The following FER1L6 variants were observed in gnomAD, a reference collection of about 807,000 sequenced individuals.
The protein encoded by FER1L6 is fer-1-like protein 6.
FER1L6 carries 177 observed loss-of-function variants against 219.2 expected under a neutral mutation model. That is an observed-to-expected ratio of 0.81 (90% CI 0.71 to 0.91). FER1L6 has a LOEUF of 0.91. FER1L6 is among the 40% of genes least tolerant of loss of function. FER1L6 has a pLI of 0.00. For synonymous variants in FER1L6, 768 were observed against 824.3 expected, an observed-to-expected ratio of 0.93 and a Z score of 1.17; for missense variants, 2,153 against 2,259.9, an observed-to-expected ratio of 0.95 and a Z score of 0.96.
intron 15 of FER1L6, 195 bp downstream of exon 15, chr8:124,013,726 C>G: frequency 2.7e-6 from 1 of 376,138 alleles, no homozygotes; most frequent in African/African-American, 2.1e-5. Context: ...ACAACTCAAA[C>G]ATAAATCAAA....
chr8:123,926,371 G>A (rs1563689035), intron 1 of FER1L6, among the ~76,000 whole-genome samples: 1 of 152,230 alleles, frequency 6.6e-6, no homozygotes, highest in Non-Finnish European at 1.5e-5. Flanking sequence ...CTGGAAGTAG[G>A]TGGCCCATGC....
chr8:124,043,744 C>T (rs1346261626), intron 20 of FER1L6, among the ~76,000 whole-genome samples: 1 of 152,220 alleles, frequency 6.6e-6, no homozygotes. Context: ...AGTCTGTTGT[C>T]TTCTCATTTT....
chr8:123,970,008 G>A (rs770593483), intron 5 of FER1L6, 27 bp from the exon 6 acceptor site: 1 of 1,607,174 alleles, frequency 6.2e-7, no homozygotes, highest in Admixed American at 1.7e-5. Context: ...TGGGGTTGAT[G>A]ACCAGAATGA....
At chr8:123,885,417 GCATTTGA>G (rs895826519) in intron 1 of FER1L6, among the ~76,000 whole-genome samples, 3 of 152,140 alleles carry the variant, frequency 2.0e-5, no homozygotes, top group Non-Finnish European at 4.4e-5. Context: ...CTTCAGAAAT[GCATTTGA>G]CCACTGTGCA....
At chr8:123,881,753 G>A (rs372013229) in intron 1 of FER1L6, among the ~76,000 whole-genome samples, 2 of 152,154 alleles carry the variant, frequency 1.3e-5, no homozygotes, top group East Asian at 1.9e-4. Flanking sequence ...GGGGAGAAGA[G>A]ACAATTTCTT....
intron 1 of FER1L6, among the ~76,000 whole-genome samples, chr8:123,857,679 TCCTGGTGG>T (rs1255394906): frequency 6.6e-6 from 1 of 152,128 alleles, no homozygotes; most frequent in Admixed American, 6.5e-5. Context: ...GATGGGCTCG[TCCTGGTGG>T]CCGGCCTCTG....
At chr8:124,068,415 AAG>A (rs1488957048) in intron 28 of FER1L6, among the ~76,000 whole-genome samples, 1 of 152,188 alleles carries the variant, frequency 6.6e-6, no homozygotes, top group East Asian at 1.9e-4. Context: ...CAAATGATGA[AAG>A]AGAGGTACAA....
At position 123,947,842 on chromosome 8, in the gene FER1L6, A is replaced by C. The variant is rs28527318; in HGVS notation, c.-7-8150A>C. On this transcript the variant is annotated intron_variant, in intron 1 of 40. Coordinates refer to ENST00000522917, the MANE Select transcript of FER1L6 (RefSeq NM_001039112.2). ...CAAAACTGGAGAACACATCACATCA[A>C]AGGAGGCAGTTGAGTTGGGCCTAGG... 7.6e-3 allele frequency among the ~76,000 whole-genome samples: 1,161 copies of C among 152,262 alleles called. 4 individuals carry two copies. The highest frequency in any genetic ancestry group is 0.02 in the Middle Eastern group (6 of 294).
At chr8:123,915,567 A>G (rs1426078233) in intron 1 of FER1L6, among the ~76,000 whole-genome samples, 1 of 152,138 alleles carries the variant, frequency 6.6e-6, no homozygotes, top group African/African-American at 2.4e-5. Context: ...CATGTTATGA[A>G]TATGGTATTT....
chr8:124,107,733 T>C (rs975852081), intron 39 of FER1L6, among the ~76,000 whole-genome samples: 24 of 152,194 alleles, frequency 1.6e-4, no homozygotes, highest in South Asian at 1.0e-3. Context: ...TCTGGTTTGA[T>C]TGACTCAATG....
At chr8:123,898,505 C>T (rs954732451) in intron 1 of FER1L6, among the ~76,000 whole-genome samples, 1 of 151,654 alleles carries the variant, frequency 6.6e-6, no homozygotes. Context: ...TAGCTTAGCT[C>T]CCTCATGTCA....
intron 36 of FER1L6, among the ~76,000 whole-genome samples, 170 bp from the exon 37 acceptor site, chr8:124,097,615 C>A (rs561755060): frequency 2.6e-5 from 4 of 152,124 alleles, no homozygotes; most frequent in Non-Finnish European, 5.9e-5. Flanking sequence ...GTTCTAAGGT[C>A]TCCAGCTAGG....
At chr8:123,982,813 T>G (rs1174548721) in intron 11 of FER1L6, among the ~76,000 whole-genome samples, 1 of 152,186 alleles carries the variant, frequency 6.6e-6, no homozygotes, top group Non-Finnish European at 1.5e-5. Context: ...ACTGTGATTC[T>G]TTGTTGGCTC....
chr8:124,050,826 C>A (rs1170034833), intron 22 of FER1L6, among the ~76,000 whole-genome samples: 2 of 151,950 alleles, frequency 1.3e-5, no homozygotes, highest in African/African-American at 4.8e-5. Context: ...GACCTCATGA[C>A]CTCATTACTT....
At chr8:124,097,046 T>C (rs1326163711) in intron 35 of FER1L6, among the ~76,000 whole-genome samples, 1 of 148,518 alleles carries the variant, frequency 6.7e-6, no homozygotes, top group Non-Finnish European at 1.5e-5. Flanking sequence ...CTTCACCTAC[T>C]CTTAATTTAT....
chr8:124,116,755 T>A (rs1563809894), intron 39 of FER1L6, among the ~76,000 whole-genome samples: 1 of 152,244 alleles, frequency 6.6e-6, no homozygotes, highest in South Asian at 2.1e-4. Flanking sequence ...ATGAAGTTCT[T>A]AGTGTATAAC....
chr8:124,000,179 C>T (rs1453974199), intron 12 of FER1L6, among the ~76,000 whole-genome samples: 1 of 152,150 alleles, frequency 6.6e-6, no homozygotes, highest in Non-Finnish European at 1.5e-5. Flanking sequence ...CAAAATCCCA[C>T]AATCACTGCA....
chr8:124,064,722 T>C (rs369644591), intron 26 of FER1L6, 149 bp downstream of exon 26: 8 of 714,214 alleles, frequency 1.1e-5, no homozygotes, highest in African/African-American at 1.8e-5. Flanking sequence ...ATGAGGATAC[T>C]GTTACCCACT....
chr8:123,867,674 C>T (rs540209000), intron 1 of FER1L6, among the ~76,000 whole-genome samples: 9 of 152,296 alleles, frequency 5.9e-5, no homozygotes, highest in African/African-American at 2.2e-4. Flanking sequence ...AGAATAGTAG[C>T]TGGTACATGG....
Sources: gnomAD v4.1 joint callset for allele counts (sites outside exome capture counted in the v4.1 genomes callset) on GRCh38, gnomAD v4.1.1 for gene constraint, MANE v1.5 for transcripts, NCBI Gene and HGNC (gene_info 2026-07-23, HGNC 2026-07-21) for gene names.